The following CACHD1 variants were observed in gnomAD, a reference collection of about 807,000 sequenced individuals.
The protein encoded by CACHD1 is VWFA and cache domain-containing protein 1.
In CACHD1, 71 loss-of-function variants were observed where a neutral mutation model predicts 138.7. That is an observed-to-expected ratio of 0.51 (90% CI 0.42 to 0.62). CACHD1 has a LOEUF of 0.62. Ranked by LOEUF, CACHD1 falls within the 20% of genes least tolerant of loss-of-function variation. The pLI, the probability that CACHD1 is intolerant of heterozygous loss-of-function variation, is 0.00. For synonymous variants in CACHD1, 578 were observed against 591.5 expected, an observed-to-expected ratio of 0.98 and a Z score of 0.33; for missense variants, 1,389 against 1,625.3, an observed-to-expected ratio of 0.85 and a Z score of 2.50.
chr1:64,616,286 C>T (rs191880132), intron 4 of CACHD1, among the ~76,000 whole-genome samples: 25 of 152,310 alleles, frequency 1.6e-4, no homozygotes, highest in Admixed American at 5.9e-4. Flanking sequence ...TCGTGAAGAG[C>T]TTCTCTCAAG....
intron 2 of CACHD1, among the ~76,000 whole-genome samples, chr1:64,557,923 C>T (rs1330514834): frequency 3.3e-5 from 5 of 152,094 alleles, no homozygotes; most frequent in East Asian, 1.9e-4. Context: ...CTCAGCCTCT[C>T]GAGCAGCTGG....
intron 3 of CACHD1, among the ~76,000 whole-genome samples, chr1:64,589,592 T>G (rs1647080777): frequency 6.6e-6 from 1 of 151,966 alleles, no homozygotes; most frequent in Non-Finnish European, 1.5e-5. Context: ...AGCTGGAGAC[T>G]CAAAGGAGAG....
intron 2 of CACHD1, among the ~76,000 whole-genome samples, chr1:64,559,670 C>A (rs1646824372): frequency 6.6e-6 from 1 of 151,970 alleles, no homozygotes; most frequent in Non-Finnish European, 1.5e-5. Context: ...AATAAACAAA[C>A]AAACCAAAAA....
chr1:64,584,349 C>A (rs1170923545), intron 3 of CACHD1, among the ~76,000 whole-genome samples: 1 of 152,052 alleles, frequency 6.6e-6, no homozygotes, highest in Non-Finnish European at 1.5e-5. Flanking sequence ...GTTGAAAAAC[C>A]CTGGCTTAGC....
chr1:64,524,115 G>A (rs943322616), intron 1 of CACHD1, among the ~76,000 whole-genome samples: 2 of 152,038 alleles, frequency 1.3e-5, no homozygotes, highest in Non-Finnish European at 1.5e-5. Context: ...CCAACTTCCC[G>A]TAATGGTTAA....
intron 2 of CACHD1, among the ~76,000 whole-genome samples, chr1:64,577,323 A>T (rs11208468): frequency 0.15 from 22,147 of 152,184 alleles, 1,709 homozygotes; most frequent in Admixed American, 0.21. Context: ...ATTTTGAAGA[A>T]TATTATTAGA....
Position 64,679,636 on chromosome 1 carries a change from G to T in CACHD1, c.3286G>T (p.Val1096Leu). 6.2e-7 allele frequency: 1 copy of T among 1,614,214 alleles called. No individual in the cohort carries two copies. Among genetic ancestry groups the T allele is most frequent in the Non-Finnish European group, 8.5e-7 (1 of 1,180,022 alleles). The change falls in exon 24 of 27, where the codon GTG (valine) becomes TTG (leucine). Residue 1096 changes from valine to leucine, a missense_variant. Around this residue, in one of 5 missense-constraint regions of CACHD1, gnomAD observed 250 missense variants for 292.9 expected, o/e 0.85. Transcript: ENST00000651257. Reference sequence around the variant, plus strand: ...ATTAAACATGATTAAAAGCGCCCCTGTGGGTCCTGTGGCTGGAGGGATCAT... The same window carrying T: ...ATTAAACATGATTAAAAGCGCCCCTTTGGGTCCTGTGGCTGGAGGGATCAT... ...ITLNMIKSAP[V>L]GPVAGGIMGC... is the part of the protein sequence containing the mutation.
chr1:64,687,126 C>CT (rs1218472131), intron 26 of CACHD1, among the ~76,000 whole-genome samples: 1 of 152,148 alleles, frequency 6.6e-6, no homozygotes, highest in African/African-American at 2.4e-5. Context: ...CTACATAAGC[C>CT]TTTGGATAGT....
intron 4 of CACHD1, among the ~76,000 whole-genome samples, chr1:64,621,440 A>G (rs894137301): frequency 2.0e-5 from 3 of 152,050 alleles, no homozygotes; most frequent in South Asian, 2.1e-4. Flanking sequence ...CTTCCTCTCT[A>G]TTTGTAAATC....
At chr1:64,528,749 A>T (rs1186821226) in intron 1 of CACHD1, among the ~76,000 whole-genome samples, 2 of 151,138 alleles carry the variant, frequency 1.3e-5, no homozygotes, top group African/African-American at 2.4e-5. Flanking sequence ...TATTATAAAC[A>T]TTTTTTTTTG....
intron 7 of CACHD1, among the ~76,000 whole-genome samples, chr1:64,636,792 C>G (rs1648539434): frequency 6.6e-6 from 1 of 152,090 alleles, no homozygotes; most frequent in African/African-American, 2.4e-5. Flanking sequence ...TATCAGGGAC[C>G]TCGGCAAACA....
chr1:64,673,103 TG>T, intron 17 of CACHD1, 54 bp from the exon 18 acceptor site: 1 of 1,174,608 alleles, frequency 8.5e-7, no homozygotes, highest in Non-Finnish European at 1.2e-6. Flanking sequence ...TGAATACGTT[TG>T]AAAAAAAAAA....
chr1:64,664,448 T>C, intron 14 of CACHD1, 50 bp from the exon 15 acceptor site: 1 of 1,571,254 alleles, frequency 6.4e-7, no homozygotes, highest in Non-Finnish European at 8.7e-7. Context: ...CCCACTCTCT[T>C]TTCATGTGAG....
At position 64,671,672 on chromosome 1, in the gene CACHD1, T is replaced by C; in HGVS notation, c.2496T>C (p.Gly832=). The C allele has an allele frequency of 6.2e-7, 1 of 1,614,046 alleles. No individual in the cohort carries two copies. Among genetic ancestry groups the C allele is most frequent in the African/African-American group, 1.3e-5 (1 of 75,040 alleles). Residue 832 remains glycine, a synonymous_variant, in exon 17 of 27, where the codon GGT becomes GGC. Coordinates refer to ENST00000651257, the MANE Select transcript of CACHD1 (RefSeq NM_020925.4). ...TATTACCTGTCTGTAACCAAGATGG[T>C]GGCAACAAAATAAGGTAAGTGCTTT... The part of the protein sequence containing the change: ...MDLLPVCNQD[G]GNKIRCFIME...
At chr1:64,674,908 G>A (rs1223575119) in intron 19 of CACHD1, among the ~76,000 whole-genome samples, 1 of 152,160 alleles carries the variant, frequency 6.6e-6, no homozygotes, top group Non-Finnish European at 1.5e-5. Flanking sequence ...TATTCTAGAA[G>A]CAGAAATTTG....
intron 9 of CACHD1, among the ~76,000 whole-genome samples, chr1:64,648,540 T>C (rs1382414426): frequency 6.6e-6 from 1 of 152,254 alleles, no homozygotes; most frequent in African/African-American, 2.4e-5. Context: ...ATATATGACC[T>C]GTCATTATCT....
intron 3 of CACHD1, among the ~76,000 whole-genome samples, chr1:64,592,425 T>G (rs1647113885): frequency 6.6e-6 from 1 of 152,102 alleles, no homozygotes; most frequent in Non-Finnish European, 1.5e-5. Context: ...CTGTGGCAAA[T>G]GTCATAAAAG....
At chr1:64,610,110 C>G (rs2100593858) in intron 4 of CACHD1, among the ~76,000 whole-genome samples, 2 of 152,288 alleles carry the variant, frequency 1.3e-5, no homozygotes, top group South Asian at 4.2e-4. Context: ...TTCACAAGAA[C>G]AGCATGAAGG....
intron 2 of CACHD1, among the ~76,000 whole-genome samples, chr1:64,568,234 A>C (rs747403921): frequency 6.6e-5 from 10 of 152,158 alleles, no homozygotes; most frequent in Non-Finnish European, 1.3e-4. Flanking sequence ...AGTGAGTGAA[A>C]AACTGCAGCT....
Sources: allele counts gnomAD v4.1 joint callset (sites outside exome capture counted in the v4.1 genomes callset), GRCh38; gene constraint gnomAD v4.1.1; regional missense constraint gnomAD v4.1.1; transcripts MANE v1.5; gene names NCBI Gene and HGNC (gene_info 2026-07-23, HGNC 2026-07-21).